Variants in FAM135A observed in about 807,000 individuals in gnomAD.
The protein encoded by FAM135A is protein FAM135A.
Under a neutral mutation model 146.8 loss-of-function variants are expected in FAM135A, and 79 were observed. The observed-to-expected ratio is 0.54, with a 90% CI of 0.45 to 0.65. The LOEUF (loss-of-function observed/expected upper bound fraction) is 0.65. Among genes scored for constraint, FAM135A ranks in the 30% least tolerant of loss-of-function variants. The probability of loss-of-function intolerance (pLI) is 0.00; values close to 1 mark genes in which losing one functional copy is unlikely to be tolerated. For synonymous variants in FAM135A, 562 were observed against 603.6 expected (o/e 0.93, Z 1.01); for missense variants, 1,623 against 1,758.2 (o/e 0.92, Z 1.38).
intron 12 of FAM135A, among the ~76,000 whole-genome samples, chr6:70,506,571 A>G (rs1411394379): frequency 6.6e-6 from 1 of 152,118 alleles, no homozygotes; most frequent in Non-Finnish European, 1.5e-5. Context: ...CAACGCCTAC[A>G]TTATAAAGCT....
intron 21 of FAM135A, chr6:70,557,190 G>A (rs560174208): frequency 2.8e-5 from 11 of 399,090 alleles, no homozygotes; most frequent in African/African-American, 1.0e-4. Flanking sequence ...TCGCTTTTAC[G>A]CAAAGGTGGC....
chr6:70,494,726 C>G (rs1786824998), intron 11 of FAM135A, among the ~76,000 whole-genome samples: 1 of 152,008 alleles, frequency 6.6e-6, no homozygotes, highest in Non-Finnish European at 1.5e-5. Flanking sequence ...TTTTCTCTTT[C>G]AGAACTGCGG....
intron 5 of FAM135A, among the ~76,000 whole-genome samples, chr6:70,470,765 A>G (rs1338227298): frequency 1.3e-5 from 2 of 152,216 alleles, no homozygotes; most frequent in Non-Finnish European, 2.9e-5. Context: ...GAGGCTGGCT[A>G]TCACACAGTG....
At chr6:70,416,681 T>C (rs555711252) in intron 2 of FAM135A, among the ~76,000 whole-genome samples, 1 of 152,246 alleles carries the variant, frequency 6.6e-6, no homozygotes, top group East Asian at 1.9e-4. Flanking sequence ...ATTCTAGCAC[T>C]TGGGGAGGCT....
At chr6:70,497,533 G>A (rs186846507) in intron 11 of FAM135A, among the ~76,000 whole-genome samples, 8 of 152,168 alleles carry the variant, frequency 5.3e-5, no homozygotes, top group African/African-American at 1.9e-4. Flanking sequence ...CCAATACTAT[G>A]TTGAATAGGA....
intron 4 of FAM135A, among the ~76,000 whole-genome samples, chr6:70,439,875 T>A (rs1774067559): frequency 6.6e-6 from 1 of 152,222 alleles, no homozygotes; most frequent in East Asian, 1.9e-4. Flanking sequence ...TTTTTCTTCC[T>A]ATTTCACCTG....
intron 5 of FAM135A, among the ~76,000 whole-genome samples, chr6:70,455,381 TACACACACACAC>T (rs34915267): frequency 1.4e-5 from 2 of 146,060 alleles, no homozygotes; most frequent in Admixed American, 6.9e-5. Context: ...TTATGACAAA[TACACACACACAC>T]ACACACACAC....
chr6:70,463,761 G>C (rs1779869183), intron 5 of FAM135A, among the ~76,000 whole-genome samples: 1 of 152,136 alleles, frequency 6.6e-6, no homozygotes, highest in Middle Eastern at 3.2e-3. Context: ...AATCTCAACA[G>C]CCATAAATGG....
intron 11 of FAM135A, among the ~76,000 whole-genome samples, chr6:70,500,975 G>A (rs1788365225): frequency 6.6e-6 from 1 of 152,220 alleles, no homozygotes; most frequent in African/African-American, 2.4e-5. Context: ...ACCCACTTGA[G>A]GAGGCAGTCT....
chr6:70,517,618 C>A (rs929798247), intron 12 of FAM135A, among the ~76,000 whole-genome samples: 1 of 151,898 alleles, frequency 6.6e-6, no homozygotes, highest in South Asian at 2.1e-4. Context: ...AGGGTTTCAC[C>A]GTGTTGGTTA....
At chr6:70,506,505 G>A (rs1274137209) in intron 12 of FAM135A, among the ~76,000 whole-genome samples, 1 of 152,034 alleles carries the variant, frequency 6.6e-6, no homozygotes, top group Non-Finnish European at 1.5e-5. Context: ...TTTCAATAAA[G>A]TTTTATTTAC....
At position 70,526,797 on chromosome 6, in the gene FAM135A, A is replaced by ATG. The variant is rs1794829642; in HGVS notation, c.3614+99_3614+100insTG. 12 of 832,552 alleles carry ATG rather than the reference A, an allele frequency of 1.4e-5. 1 individual carries two copies. The South Asian group carries it at 2.4e-4, about 17-fold the overall frequency. 51.6% of individuals were successfully genotyped at this position (832,552 alleles called of 1,614,324 possible). A position where few individuals can be genotyped will look rare whatever the true frequency, so the allele number is the denominator to read the frequency against. ...CACACACACACACACACACACACAC[A>ATG]CACACATATATATATAAAATCATAG... On this transcript the variant is annotated intron_variant, in intron 15 of 21. Transcript: ENST00000418814.
intron 10 of FAM135A, among the ~76,000 whole-genome samples, chr6:70,490,328 A>C (rs1785626408): frequency 1.3e-5 from 2 of 152,074 alleles, no homozygotes; most frequent in African/African-American, 4.8e-5. Context: ...CATTAGTGTA[A>C]TTCCTCCCTG....
chr6:70,428,381 G>A lies in FAM135A; in HGVS notation c.39G>A (p.Glu13=). Residue 13 remains glutamate (E), a synonymous_variant, in exon 4 of 22, where the codon GAG becomes GAA. Transcript: ENST00000418814. ...EVQAMVEFSV[E]LNKFYNVDLF... ...AAGCAATGGTAGAATTCTCTGTGGA[G>A]CTAAACAAGTTCTACAATGTGGATT... is the stretch of plus-strand genomic sequence containing the variant. 1.2e-6 allele frequency: 2 copies of A among 1,603,846 alleles called. No homozygotes were observed. Among genetic ancestry groups the A allele is most frequent in the African/African-American group, 1.3e-5 (1 of 74,700 alleles).
At chr6:70,533,661 C>T (rs1418978585) in intron 17 of FAM135A, 96 bp from the exon 18 acceptor site, 6 of 731,910 alleles carry the variant, frequency 8.2e-6, no homozygotes, top group Admixed American at 6.9e-5. Context: ...CTTAACCATA[C>T]TTTCAGTACC....
intron 5 of FAM135A, among the ~76,000 whole-genome samples, chr6:70,461,255 C>T (rs941076580): frequency 6.6e-6 from 1 of 152,192 alleles, no homozygotes; most frequent in Non-Finnish European, 1.5e-5. Context: ...ACTCACTTAA[C>T]CTCCTTGAGC....
intron 2 of FAM135A, among the ~76,000 whole-genome samples, chr6:70,419,103 C>G (rs56397968): frequency 0.13 from 19,778 of 152,216 alleles, 1,533 homozygotes; most frequent in Middle Eastern, 0.19. Context: ...TACAACAGAA[C>G]AGCATTCTCA....
At chr6:70,550,957 T>C (rs1426853722) in intron 20 of FAM135A, among the ~76,000 whole-genome samples, 1 of 152,240 alleles carries the variant, frequency 6.6e-6, no homozygotes, top group Non-Finnish European at 1.5e-5. Flanking sequence ...ACAACATCTT[T>C]CCTTAAACTT....
At chr6:70,486,839 A>G (rs181807429) in intron 10 of FAM135A, among the ~76,000 whole-genome samples, 1 of 152,264 alleles carries the variant, frequency 6.6e-6, no homozygotes, top group East Asian at 1.9e-4. Flanking sequence ...AGGCAGGGGA[A>G]TTGCTTAAAC....
Sources: gnomAD v4.1 joint callset for allele counts (sites outside exome capture counted in the v4.1 genomes callset) on GRCh38, gnomAD v4.1.1 for gene constraint, MANE v1.5 for transcripts, NCBI Gene and HGNC (gene_info 2026-07-23, HGNC 2026-07-21) for gene names.